The following SIPA1L2 variants were observed in gnomAD, a reference collection of about 807,000 sequenced individuals.
The protein encoded by SIPA1L2 is signal induced proliferation associated 1 like 2, also known as signal-induced proliferation-associated 1-like protein 2.
Under a neutral mutation model 163.9 loss-of-function variants are expected in SIPA1L2, and 56 were observed. That is an observed-to-expected ratio of 0.34 (90% CI 0.28 to 0.43). The LOEUF is 0.43. Ranked by LOEUF, SIPA1L2 falls within the 20% of genes least tolerant of loss-of-function variation. SIPA1L2 has a pLI of 1.00. For synonymous variants in SIPA1L2, 877 were observed against 865.7 expected, an observed-to-expected ratio of 1.01 and a Z score of -0.23; for missense variants, 1,974 against 2,193.5, an observed-to-expected ratio of 0.90 and a Z score of 2.00.
intron 5 of SIPA1L2, among the ~76,000 whole-genome samples, chr1:232,487,449 G>A (rs1363614282): frequency 6.6e-6 from 1 of 152,162 alleles, no homozygotes. Flanking sequence ...TATATCTGGG[G>A]TGAGAGGACA....
chr1:232,415,493 C>A lies in SIPA1L2; in HGVS notation c.4762+1G>T, dbSNP rs1418986284. 1 of 1,607,424 alleles carries A rather than the reference C, an allele frequency of 6.2e-7. No individual in the cohort carries two copies. The highest frequency in any genetic ancestry group is 8.5e-7 in the Non-Finnish European group (1 of 1,177,340). On this transcript the variant is annotated splice_donor_variant, in intron 19 of 22. Transcript: ENST00000674635. LOFTEE classifies it high-confidence loss of function. Reference sequence around the variant, plus strand: ...GAGGCCAGAGGCTGGTGAGTCTTTACCTTCAAATGCCCGTGCAGCATCCAC... The same window carrying A: ...GAGGCCAGAGGCTGGTGAGTCTTTAACTTCAAATGCCCGTGCAGCATCCAC...
At chr1:232,528,102 A>ATAT (rs34779799) in intron 2 of SIPA1L2, among the ~76,000 whole-genome samples, 7 of 118,494 alleles carry the variant, frequency 5.9e-5, no homozygotes, top group African/African-American at 1.7e-4. Context: ...ATATATATAT[A>ATAT]ATCAACTTTC....
intron 18 of SIPA1L2, among the ~76,000 whole-genome samples, chr1:232,423,178 T>C (rs1661676400): frequency 6.6e-6 from 1 of 152,214 alleles, no homozygotes; most frequent in African/African-American, 2.4e-5. Flanking sequence ...TAGAGGCTAA[T>C]GCAAGTGTGC....
chr1:232,577,539 A>G (rs946123153), intron 1 of SIPA1L2, among the ~76,000 whole-genome samples: 3 of 152,184 alleles, frequency 2.0e-5, no homozygotes, highest in Non-Finnish European at 4.4e-5. Context: ...GATCTGGGCA[A>G]AGTAAACCGA....
At chr1:232,609,190 T>C (rs1000173515) in intron 1 of SIPA1L2, among the ~76,000 whole-genome samples, 9 of 152,196 alleles carry the variant, frequency 5.9e-5, no homozygotes, top group Admixed American at 3.3e-4. Context: ...TGATGTTTTA[T>C]AGTTAGTTGT....
At chr1:232,531,977 C>T (rs866708179) in intron 2 of SIPA1L2, among the ~76,000 whole-genome samples, 1 of 152,112 alleles carries the variant, frequency 6.6e-6, no homozygotes, top group Non-Finnish European at 1.5e-5. Flanking sequence ...GGCTCAGATC[C>T]GGGAGGGACT....
At chr1:232,626,191 A>T (rs928104829) in intron 1 of SIPA1L2, among the ~76,000 whole-genome samples, 3 of 151,248 alleles carry the variant, frequency 2.0e-5, no homozygotes, top group Admixed American at 2.0e-4. Context: ...TTATGTAGCA[A>T]CATTAAATGC....
Position 232,514,659 on chromosome 1 carries a change from A to C in SIPA1L2, c.681T>G (p.Pro227=). 6.2e-7 allele frequency: 1 copy of C among 1,614,198 alleles called. No individual in the cohort carries two copies. Residue 227 remains proline (P), a synonymous_variant, in exon 3 of 23, where the codon CCT becomes CCG. Coordinates refer to ENST00000674635, the MANE Select transcript of SIPA1L2 (RefSeq NM_020808.5). ...AGCGGAAAAATTCAGGGAACCCAAA[A>C]GGGACCATTGCTTTGTGGTCATAAT... ...VENYDHKAMV[P]FGFPEFFRCD...
At chr1:232,461,864 GC>G (rs1664254183) in intron 9 of SIPA1L2, among the ~76,000 whole-genome samples, 1 of 152,150 alleles carries the variant, frequency 6.6e-6, no homozygotes, top group South Asian at 2.1e-4. Flanking sequence ...GCCTATGCTT[GC>G]CTGAGTGGTG....
chr1:232,438,293 G>C (rs1256850714), intron 15 of SIPA1L2, among the ~76,000 whole-genome samples: 1 of 152,152 alleles, frequency 6.6e-6, no homozygotes, highest in Non-Finnish European at 1.5e-5. Flanking sequence ...TTGTGGGCAG[G>C]AGTCAGAGAG....
At chr1:232,559,678 T>C (rs1159687656) in intron 2 of SIPA1L2, among the ~76,000 whole-genome samples, 1 of 152,312 alleles carries the variant, frequency 6.6e-6, no homozygotes, top group African/African-American at 2.4e-5. Context: ...GTTTTCATCA[T>C]TGGGTGTTGA....
chr1:232,568,873 C>T (rs568174302), intron 2 of SIPA1L2, among the ~76,000 whole-genome samples: 1 of 152,340 alleles, frequency 6.6e-6, no homozygotes, highest in African/African-American at 2.4e-5. Context: ...GTCATCTCAG[C>T]TCACTAGTAT....
intron 1 of SIPA1L2, among the ~76,000 whole-genome samples, chr1:232,627,558 A>G (rs1056583554): frequency 2.6e-5 from 4 of 152,278 alleles, no homozygotes; most frequent in African/African-American, 9.6e-5. Flanking sequence ...TTCCAAATCC[A>G]TATTACACAG....
chr1:232,453,289 G>A (rs1037007714), intron 10 of SIPA1L2, among the ~76,000 whole-genome samples: 1 of 152,136 alleles, frequency 6.6e-6, no homozygotes, highest in Non-Finnish European at 1.5e-5. Context: ...AACTGAGAAG[G>A]TTCAAAGGGA....
intron 15 of SIPA1L2, among the ~76,000 whole-genome samples, chr1:232,432,714 G>C (rs117481421): frequency 6.6e-6 from 1 of 152,162 alleles, no homozygotes; most frequent in Non-Finnish European, 1.5e-5. Flanking sequence ...AAACATGGCC[G>C]GGGAAATCTG....
At chr1:232,468,438 C>T (rs191288827) in intron 8 of SIPA1L2, among the ~76,000 whole-genome samples, 4 of 152,300 alleles carry the variant, frequency 2.6e-5, no homozygotes, top group Admixed American at 2.6e-4. Flanking sequence ...GGGAGTCCAG[C>T]TCTACCACCT....
chr1:232,577,858 T>C (rs1660161162), intron 1 of SIPA1L2, among the ~76,000 whole-genome samples: 1 of 152,136 alleles, frequency 6.6e-6, no homozygotes, highest in South Asian at 2.1e-4. Context: ...GATATGAACA[T>C]TGTTGCAAAG....
chr1:232,605,694 A>AAAAAC (rs138160386), intron 1 of SIPA1L2, among the ~76,000 whole-genome samples: 27 of 151,360 alleles, frequency 1.8e-4, no homozygotes, highest in African/African-American at 3.6e-4. Context: ...ATTCTGTCTT[A>AAAAAC]AAAACAAAAC....
At chr1:232,625,550 T>C (rs1663033025) in intron 1 of SIPA1L2, among the ~76,000 whole-genome samples, 1 of 152,070 alleles carries the variant, frequency 6.6e-6, no homozygotes, top group South Asian at 2.1e-4. Flanking sequence ...AGGAAACTCG[T>C]TGAGTCTGGC....
Sources: gnomAD v4.1 joint callset for allele counts (sites outside exome capture counted in the v4.1 genomes callset) on GRCh38, gnomAD v4.1.1 for gene constraint, MANE v1.5 for transcripts, NCBI Gene and HGNC (gene_info 2026-07-23, HGNC 2026-07-21) for gene names.